Variants in KDM4C observed in about 807,000 individuals in gnomAD.
KDM4C encodes the protein lysine demethylase 4C.
KDM4C carries 81 observed loss-of-function variants against 129.3 expected under a neutral mutation model. The observed-to-expected ratio is 0.63, with a 90% CI of 0.52 to 0.75. The LOEUF is 0.75. KDM4C is among the 30% of genes least tolerant of loss of function. The pLI is 0.00. For missense variants in KDM4C, 1,457 were observed against 1,304.0 expected (o/e 1.12, Z -1.81); for synonymous variants, 573 against 456.1 (o/e 1.26, Z -3.26).
chr9:6,755,453 C>G (rs892474543), upstream of KDM4C, among the ~76,000 whole-genome samples: 28 of 151,940 alleles, frequency 1.8e-4, no homozygotes, highest in African/African-American at 6.5e-4. Flanking sequence ...AGGCACAAGG[C>G]ACGAGAATTG....
intron 19 of KDM4C, among the ~76,000 whole-genome samples, chr9:7,151,028 G>A (rs993374823): frequency 3.3e-5 from 5 of 152,050 alleles, no homozygotes; most frequent in Non-Finnish European, 4.4e-5. Context: ...ACAAAGCAGC[G>A]GACCAGGCAC....
intron 8 of KDM4C, among the ~76,000 whole-genome samples, chr9:6,918,204 A>G (rs751085199): frequency 4.2e-4 from 64 of 152,208 alleles, no homozygotes; most frequent in South Asian, 1.9e-3. Flanking sequence ...CCCAGTGTCT[A>G]CAGTTCCCAT....
intron 9 of KDM4C, chr9:6,982,117 G>A (rs1210842688): frequency 6.6e-6 from 1 of 151,862 alleles, no homozygotes; most frequent in African/African-American, 2.4e-5. Context: ...ATGCCTGCAT[G>A]TATTTAATCC....
At chr9:6,877,498 C>A (rs1242756763) in intron 5 of KDM4C, among the ~76,000 whole-genome samples, 1 of 152,216 alleles carries the variant, frequency 6.6e-6, no homozygotes, top group Non-Finnish European at 1.5e-5. Context: ...CCACACCTGG[C>A]CTAACAAGAT....
chr9:6,978,465 A>G lies in KDM4C; in HGVS notation c.922-2460A>G, dbSNP rs548355707. Among the ~76,000 whole-genome samples, 23 of 152,294 alleles carry G rather than the reference A, an allele frequency of 1.5e-4. No individual in the cohort carries two copies. The South Asian group carries it at 4.8e-3, about 32-fold the overall frequency. On this transcript the variant is annotated intron_variant, in intron 8 of 21. Transcript: ENST00000381309. The stretch of plus-strand genomic sequence containing the variant: ...TGGTTGATTTAATCCTCAAGTAACA[A>G]ATCTTACGACACATGGTGGCATGTT...
chr9:7,072,277 A>C (rs1364930228), intron 17 of KDM4C, among the ~76,000 whole-genome samples: 1 of 152,218 alleles, frequency 6.6e-6, no homozygotes, highest in Non-Finnish European at 1.5e-5. Flanking sequence ...ACAATTTAGC[A>C]TACCATCCAG....
At chr9:6,914,979 TCTAC>T (rs1820041031) in intron 8 of KDM4C, among the ~76,000 whole-genome samples, 1 of 152,246 alleles carries the variant, frequency 6.6e-6, no homozygotes, top group South Asian at 2.1e-4. Context: ...GATTTTGCTG[TCTAC>T]CTATCTTTCT....
intron 17 of KDM4C, among the ~76,000 whole-genome samples, chr9:7,053,386 T>C (rs909078810): frequency 1.3e-5 from 2 of 152,184 alleles, no homozygotes; most frequent in African/African-American, 4.8e-5. Flanking sequence ...TTTTTTCCTC[T>C]TATGTATAAT....
At chr9:6,972,216 C>T (rs1164525645) in intron 8 of KDM4C, among the ~76,000 whole-genome samples, 2 of 151,554 alleles carry the variant, frequency 1.3e-5, no homozygotes, top group Non-Finnish European at 2.9e-5. Flanking sequence ...AGGGGGGAGC[C>T]ATTTCCTATT....
At chr9:7,084,364 C>T (rs900431139) in intron 17 of KDM4C, among the ~76,000 whole-genome samples, 5 of 152,148 alleles carry the variant, frequency 3.3e-5, no homozygotes, top group Admixed American at 1.3e-4. Flanking sequence ...GCAAGACAAA[C>T]GTTTTGTTAG....
intron 17 of KDM4C, among the ~76,000 whole-genome samples, chr9:7,097,174 C>T (rs1380258126): frequency 2.0e-5 from 3 of 152,156 alleles, no homozygotes; most frequent in African/African-American, 7.2e-5. Context: ...CTTTAAAACC[C>T]TGCTGGGTAG....
chr9:7,108,335 C>A (rs932794230), intron 18 of KDM4C, among the ~76,000 whole-genome samples: 1 of 152,140 alleles, frequency 6.6e-6, no homozygotes, highest in Non-Finnish European at 1.5e-5. Flanking sequence ...TTCCTGGGCT[C>A]AAGTGATCCT....
At chr9:7,052,863 C>CAGAGAGAG (rs370475585) in intron 17 of KDM4C, among the ~76,000 whole-genome samples, 4,835 of 40,978 alleles carry the variant, frequency 0.12, 336 homozygotes, top group Non-Finnish European at 0.13. Context: ...GCCACACCTG[C>CAGAGAGAG]AGAGAGAGAG....
At chr9:7,104,399 A>G (rs927607221) in intron 18 of KDM4C, 1 of 152,708 alleles carries the variant, frequency 6.5e-6, no homozygotes, top group Non-Finnish European at 1.5e-5. Context: ...CTAAAATGGC[A>G]TATGTGAGGG....
At chr9:6,786,592 A>AT (rs1564001944) in intron 1 of KDM4C, among the ~76,000 whole-genome samples, 1 of 152,112 alleles carries the variant, frequency 6.6e-6, no homozygotes, top group African/African-American at 2.4e-5. Flanking sequence ...AGATATACCT[A>AT]TTTTCCTGTG....
At chr9:6,985,588 A>G (rs1817545283) in intron 10 of KDM4C, among the ~76,000 whole-genome samples, 1 of 152,248 alleles carries the variant, frequency 6.6e-6, no homozygotes. Flanking sequence ...ATGAATGGAT[A>G]TAAGATAGCA....
chr9:6,928,488 G>C (rs1197379784), intron 8 of KDM4C, among the ~76,000 whole-genome samples: 1 of 152,152 alleles, frequency 6.6e-6, no homozygotes, highest in African/African-American at 2.4e-5. Flanking sequence ...TTATTACTCG[G>C]ATCTGTGTAT....
chr9:7,013,918 A>T lies in KDM4C; in HGVS notation c.2099A>T (p.Tyr700Phe). 6.2e-7 allele frequency: 1 copy of T among 1,613,998 alleles called. No homozygotes were observed. The highest frequency in any genetic ancestry group is 1.3e-5 in the African/African-American group (1 of 75,046). ...ATTTATAGTGAAGAAAATATAGAAT[A>T]TTCTCCACCCAATGCCTTCCTTGAA... is the stretch of plus-strand genomic sequence containing the variant. ...CFIYSEENIE[Y>F]SPPNAFLEED... The change falls in exon 14 of 22, where the codon TAT becomes TTT. Residue 700 changes from tyrosine (Y) to phenylalanine (F), a missense_variant. Tyr to Phe is a conservative substitution (Grantham distance 22). Coordinates refer to ENST00000381309, the MANE Select transcript of KDM4C (RefSeq NM_015061.6).
intron 13 of KDM4C, among the ~76,000 whole-genome samples, chr9:7,012,400 T>G (rs1325800347): frequency 6.6e-6 from 1 of 152,182 alleles, no homozygotes; most frequent in African/African-American, 2.4e-5. Flanking sequence ...TTTCTATCTC[T>G]TTTACTAAGA....
Sources: gnomAD v4.1 joint callset for allele counts (sites outside exome capture counted in the v4.1 genomes callset) on GRCh38, gnomAD v4.1.1 for gene constraint, MANE v1.5 for transcripts, NCBI Gene and HGNC (gene_info 2026-07-23, HGNC 2026-07-21) for gene names.